Variants in EDAR observed in about 807,000 individuals in gnomAD.
EDAR encodes the protein tumor necrosis factor receptor superfamily member EDAR.
Under a neutral mutation model 51.3 loss-of-function variants are expected in EDAR, and 38 were observed. That is an observed-to-expected ratio of 0.74 (90% CI 0.57 to 0.97). The LOEUF (loss-of-function observed/expected upper bound fraction) is 0.97. Ranked by LOEUF, EDAR falls within the 50% of genes least tolerant of loss-of-function variation. The pLI is 0.00. For synonymous variants in EDAR, 227 were observed against 242.1 expected (o/e 0.94, Z 0.58); for missense variants, 528 against 595.0 (o/e 0.89, Z 1.17).
At chr2:108,908,889 A>G (rs1375289427) in intron 9 of EDAR, among the ~76,000 whole-genome samples, 1 of 152,118 alleles carries the variant, frequency 6.6e-6, no homozygotes, top group African/African-American at 2.4e-5. Context: ...GACAATGAGA[A>G]CCATCATGAA....
chr2:108,919,031 G>A (rs998818269), intron 5 of EDAR, among the ~76,000 whole-genome samples: 2 of 152,104 alleles, frequency 1.3e-5, no homozygotes, highest in Non-Finnish European at 2.9e-5. Context: ...GGCCCACTGG[G>A]ACCCGCTGTG....
chr2:108,987,138 C>T (rs533487919), intron 1 of EDAR, among the ~76,000 whole-genome samples: 1 of 152,324 alleles, frequency 6.6e-6, no homozygotes, highest in Non-Finnish European at 1.5e-5. Context: ...GTTTACAGCT[C>T]CTGTATTTGA....
At chr2:108,918,882 C>T (rs534959053) in intron 5 of EDAR, among the ~76,000 whole-genome samples, 19 of 152,298 alleles carry the variant, frequency 1.2e-4, no homozygotes, top group Middle Eastern at 3.4e-3. Flanking sequence ...ATTCTTAGAG[C>T]TGTCAACAAG....
At chr2:108,939,850 A>G (rs1225506212) in intron 1 of EDAR, among the ~76,000 whole-genome samples, 2 of 152,272 alleles carry the variant, frequency 1.3e-5, no homozygotes, top group East Asian at 3.9e-4. Context: ...CCTCCCCCAG[A>G]CCCAGCCATT....
chr2:108,912,899 T>G, intron 5 of EDAR, 135 bp from the exon 6 acceptor site: 1 of 753,988 alleles, frequency 1.3e-6, no homozygotes, highest in Non-Finnish European at 2.3e-6. Context: ...GCTAAATATT[T>G]GTATTTCTTA....
rs1354112682 is a variant in EDAR at position 108,927,619 on chromosome 2, C to A, written c.356+1579G>T. ...CCGTGGTGCACCCACCCTCTCCCTG[C>A]AGTAGGAATTTGCCCCATGGGGAAC... On this transcript the variant is annotated intron_variant, in intron 4 of 11. Transcript: ENST00000258443. Among the ~76,000 whole-genome samples, 4 of 152,270 alleles carry A rather than the reference C, an allele frequency of 2.6e-5. No homozygotes were observed. In the East Asian group the frequency reaches 7.7e-4, roughly 29 times the overall value.
intron 1 of EDAR, among the ~76,000 whole-genome samples, chr2:108,963,428 A>C (rs1698091606): frequency 6.6e-6 from 1 of 152,196 alleles, no homozygotes; most frequent in Non-Finnish European, 1.5e-5. Flanking sequence ...GACATTTAAA[A>C]AAATTGAGCT....
At position 108,925,040 on chromosome 2, in the gene EDAR, T is replaced by C. The variant is rs141023712; in HGVS notation, c.357-1587A>G. The stretch of plus-strand genomic sequence containing the variant: ...TTCCTCGCCCTTGCCTCCTCCACCT[T>C]TTCTCACTCTACCTCCACGCATTCT... On this transcript the variant is annotated intron_variant, in intron 4 of 11. Coordinates refer to ENST00000258443, the MANE Select transcript of EDAR (RefSeq NM_022336.4). Among the ~76,000 whole-genome samples, 723 of 152,304 alleles carry C rather than the reference T, an allele frequency of 4.7e-3. 8 individuals carry two copies. The highest frequency in any genetic ancestry group is 0.022 in the South Asian group (106 of 4,822).
chr2:108,985,470 C>T (rs1698481949), intron 1 of EDAR, among the ~76,000 whole-genome samples: 1 of 152,222 alleles, frequency 6.6e-6, no homozygotes, highest in South Asian at 2.1e-4. Context: ...CTGTAGGGCT[C>T]CTTACGGCCC....
intron 4 of EDAR, among the ~76,000 whole-genome samples, chr2:108,924,626 G>A (rs1697218307): frequency 6.6e-6 from 1 of 152,152 alleles, no homozygotes; most frequent in Non-Finnish European, 1.5e-5. Context: ...GGGGTCTGTG[G>A]GCTCCTGCCT....
rs80029057 is a variant in EDAR at position 108,983,386 on chromosome 2, A to G, written c.-19+5574T>C. Among the ~76,000 whole-genome samples, 122 of 152,304 alleles carry G rather than the reference A, an allele frequency of 8.0e-4. No individual in the cohort carries two copies. In the East Asian group the frequency reaches 0.012, roughly 15 times the overall value. On this transcript the variant is annotated intron_variant, in intron 1 of 11. Coordinates refer to ENST00000258443, the MANE Select transcript of EDAR (RefSeq NM_022336.4). ...TTTTTTGGGGCCAGAGGTAATGTTTATTACCCAAGGACACAGAGCCTCAAT... is the reference window on the plus strand; with the variant it reads ...TTTTTTGGGGCCAGAGGTAATGTTTGTTACCCAAGGACACAGAGCCTCAAT...
At chr2:108,924,777 C>A (rs374391013) in intron 4 of EDAR, among the ~76,000 whole-genome samples, 11 of 152,362 alleles carry the variant, frequency 7.2e-5, no homozygotes, top group African/African-American at 2.6e-4. Flanking sequence ...GCCACGACAG[C>A]CAGTTTTACA....
In EDAR at chr2:108,894,960, C is replaced by A. The variant is rs1007471031; in HGVS notation, c.*1947G>T. ...TTCTGAGGAGGGTGCAAGCTGTTATCCTGGAATGGCACACTCATCACAAGT... is the reference window on the plus strand; with the variant it reads ...TTCTGAGGAGGGTGCAAGCTGTTATACTGGAATGGCACACTCATCACAAGT... On this transcript the variant is annotated 3_prime_UTR_variant, in exon 12 of 12. Coordinates refer to ENST00000258443, the MANE Select transcript of EDAR (RefSeq NM_022336.4). The A allele has an allele frequency of 6.6e-6, 1 of 152,232 alleles. No individual in the cohort carries two copies. Among genetic ancestry groups the A allele is most frequent in the African/African-American group, 2.4e-5 (1 of 41,414 alleles). 9.4% of individuals were successfully genotyped at this position (152,232 alleles called of 1,614,324 possible).
intron 1 of EDAR, among the ~76,000 whole-genome samples, chr2:108,973,876 G>C (rs1000983978): frequency 1.3e-5 from 2 of 152,164 alleles, no homozygotes; most frequent in Non-Finnish European, 2.9e-5. Context: ...TTCAAGATGA[G>C]GATCACAGGG....
At chr2:108,958,057 CA>C (rs1253780175) in intron 1 of EDAR, among the ~76,000 whole-genome samples, 4 of 152,082 alleles carry the variant, frequency 2.6e-5, no homozygotes, top group Non-Finnish European at 4.4e-5. Context: ...CCAAAGCTGC[CA>C]AATTACCATG....
In EDAR at chr2:108,974,603, G is replaced by A. The variant is rs1434040153; in HGVS notation, c.-19+14357C>T. On this transcript the variant is annotated intron_variant, in intron 1 of 11. Transcript: ENST00000258443. ...AAATTAGCTGGGCATGGTGGTGTGT[G>A]CCTGTAATCCCAGCTACTTGGGAGG... Among the ~76,000 whole-genome samples, 53 of 151,922 alleles carry A rather than the reference G, an allele frequency of 3.5e-4. 1 individual carries two copies. Among genetic ancestry groups the A allele is most frequent in the Non-Finnish European group, 6.3e-4 (43 of 67,998 alleles).
intron 1 of EDAR, among the ~76,000 whole-genome samples, chr2:108,944,393 CGT>C (rs1697674434): frequency 6.6e-6 from 1 of 152,206 alleles, no homozygotes; most frequent in Non-Finnish European, 1.5e-5. Context: ...GGATTACAGG[CGT>C]GAACCACCGT....
At chr2:108,949,910 C>T (rs1321708334) in intron 1 of EDAR, among the ~76,000 whole-genome samples, 1 of 152,218 alleles carries the variant, frequency 6.6e-6, no homozygotes, top group Non-Finnish European at 1.5e-5. Flanking sequence ...TCTATGAGCT[C>T]ATGGAGGCCA....
intron 5 of EDAR, among the ~76,000 whole-genome samples, chr2:108,914,886 C>T (rs1033946581): frequency 3.3e-5 from 5 of 152,260 alleles, no homozygotes; most frequent in East Asian, 1.9e-4. Context: ...GCAAGGCTTC[C>T]GGGAGAAGCA....
Sources: gnomAD v4.1 joint callset for allele counts (sites outside exome capture counted in the v4.1 genomes callset) on GRCh38, gnomAD v4.1.1 for gene constraint, MANE v1.5 for transcripts, NCBI Gene and HGNC (gene_info 2026-07-23, HGNC 2026-07-21) for gene names.